Variants in ELAVL2 observed in about 807,000 individuals in gnomAD.
ELAVL2 encodes the protein ELAV-like protein 2.
Under a neutral mutation model 34.6 loss-of-function variants are expected in ELAVL2, and 4 were observed. The observed-to-expected ratio is 0.12, with a 90% CI of 0.06 to 0.26. The LOEUF is 0.26. ELAVL2 is among the 10% of genes least tolerant of loss of function. The pLI is 1.00. For synonymous variants in ELAVL2, 193 were observed against 154.8 expected (o/e 1.25, Z -1.83); for missense variants, 432 against 442.8 (o/e 0.98, Z 0.22).
intron 2 of ELAVL2, among the ~76,000 whole-genome samples, chr9:23,750,598 A>T (rs2051711201): frequency 6.6e-6 from 1 of 152,164 alleles, no homozygotes; most frequent in South Asian, 2.1e-4. Flanking sequence ...TCAGGTTCAC[A>T]AAAGAAAAAA....
intron 1 of ELAVL2, among the ~76,000 whole-genome samples, chr9:23,785,599 A>G (rs1311263763): frequency 1.3e-5 from 2 of 152,212 alleles, no homozygotes; most frequent in African/African-American, 2.4e-5. Flanking sequence ...TGAAGCCACT[A>G]TAGCTCAATC....
intron 1 of ELAVL2, among the ~76,000 whole-genome samples, chr9:23,786,704 C>T (rs888675504): frequency 1.5e-5 from 2 of 135,146 alleles, no homozygotes; most frequent in Admixed American, 8.1e-5. Flanking sequence ...CCTGTTAAGA[C>T]AGAAAACGAA....
chr9:23,826,497 T>G (rs996179337), upstream of ELAVL2, among the ~76,000 whole-genome samples: 2 of 152,140 alleles, frequency 1.3e-5, no homozygotes, highest in African/African-American at 2.4e-5. Context: ...TCTCGAGAGC[T>G]CAATGGAGTC....
chr9:23,697,547 T>C (rs553148401), intron 5 of ELAVL2, among the ~76,000 whole-genome samples: 12 of 152,312 alleles, frequency 7.9e-5, no homozygotes, highest in African/African-American at 2.9e-4. Context: ...CCCATGTACA[T>C]ATGTAATTTA....
chr9:23,718,229 G>T (rs759057889), intron 3 of ELAVL2, among the ~76,000 whole-genome samples: 2 of 152,084 alleles, frequency 1.3e-5, no homozygotes, highest in Non-Finnish European at 2.9e-5. Context: ...TCCTCTTAAA[G>T]GATGTTTTAT....
At chr9:23,797,942 A>G (rs1014695516) in intron 1 of ELAVL2, among the ~76,000 whole-genome samples, 3 of 151,230 alleles carry the variant, frequency 2.0e-5, no homozygotes, top group African/African-American at 7.4e-5. Context: ...AGAAAAAAAA[A>G]GAAAAGAAAA....
intron 1 of ELAVL2, among the ~76,000 whole-genome samples, chr9:23,798,676 G>A (rs986180935): frequency 2.6e-5 from 4 of 152,154 alleles, no homozygotes; most frequent in African/African-American, 9.7e-5. Context: ...TGGGAAGGGA[G>A]ACGAGGGAGG....
At chr9:23,813,911 A>C (rs2063361168) in intron 1 of ELAVL2, among the ~76,000 whole-genome samples, 1 of 152,200 alleles carries the variant, frequency 6.6e-6, no homozygotes, top group Non-Finnish European at 1.5e-5. Flanking sequence ...TGGCTTTAGG[A>C]AGTATAGCAT....
intron 4 of ELAVL2, among the ~76,000 whole-genome samples, chr9:23,703,826 TGGCTGCTTCAG>T (rs910985571): frequency 6.6e-6 from 1 of 152,238 alleles, no homozygotes; most frequent in Non-Finnish European, 1.5e-5. Context: ...AATCTTCATG[TGGCTGCTTCAG>T]TCTATGGTAC....
intron 1 of ELAVL2, among the ~76,000 whole-genome samples, chr9:23,790,309 G>C (rs1183109245): frequency 6.6e-6 from 1 of 152,180 alleles, no homozygotes; most frequent in Non-Finnish European, 1.5e-5. Flanking sequence ...GATGAAAGGA[G>C]AGTAGATATT....
intron 3 of ELAVL2, among the ~76,000 whole-genome samples, chr9:23,728,532 G>GATCT (rs542686862): frequency 1.2e-3 from 183 of 152,198 alleles, no homozygotes; most frequent in African/African-American, 4.3e-3. Context: ...AAACACCATA[G>GATCT]AGTTTTGAGT....
At chr9:23,817,057 A>C (rs1053661365) in intron 1 of ELAVL2, among the ~76,000 whole-genome samples, 1 of 151,884 alleles carries the variant, frequency 6.6e-6, no homozygotes, top group African/African-American at 2.4e-5. Context: ...AAAAAAAAAA[A>C]CCTATCATTT....
At chr9:23,806,192 T>C (rs940036213) in intron 1 of ELAVL2, among the ~76,000 whole-genome samples, 1 of 152,180 alleles carries the variant, frequency 6.6e-6, no homozygotes, top group African/African-American at 2.4e-5. Context: ...TTAACTCCAA[T>C]TGGTTAAATA....
intron 2 of ELAVL2, among the ~76,000 whole-genome samples, chr9:23,738,521 C>T (rs1381408304): frequency 6.6e-6 from 1 of 152,032 alleles, no homozygotes; most frequent in Non-Finnish European, 1.5e-5. Flanking sequence ...TACCAGCTTC[C>T]CAAAGGACAT....
upstream of ELAVL2, chr9:23,829,567 G>T (rs901396868): frequency 3.9e-5 from 6 of 152,138 alleles, no homozygotes; most frequent in East Asian, 9.6e-4. Context: ...TGGAGTAGGG[G>T]GTTATGGTTC....
intron 3 of ELAVL2, among the ~76,000 whole-genome samples, chr9:23,705,419 G>C (rs986355142): frequency 6.6e-6 from 1 of 152,170 alleles, no homozygotes; most frequent in Non-Finnish European, 1.5e-5. Flanking sequence ...TTCAACAACT[G>C]CCTGCTCATT....
chr9:23,831,633 C>G, the ELAVL2 span: 1 of 152,202 alleles, frequency 6.6e-6, no homozygotes, highest in Non-Finnish European at 1.5e-5. Context: ...CTTGATAAGG[C>G]CAACCCAATG....
chr9:23,806,793 A>G (rs1037671585), intron 1 of ELAVL2, among the ~76,000 whole-genome samples: 13 of 152,152 alleles, frequency 8.5e-5, no homozygotes, highest in African/African-American at 2.9e-4. Context: ...CACCAAAGGC[A>G]ATGGGAAGTT....
At chr9:23,699,542 C>T (rs2036417933) in intron 5 of ELAVL2, among the ~76,000 whole-genome samples, 1 of 152,110 alleles carries the variant, frequency 6.6e-6, no homozygotes, top group South Asian at 2.1e-4. Flanking sequence ...TTTTCAAGGC[C>T]CCAAAGAGCT....
Sources: allele counts gnomAD v4.1 joint callset (sites outside exome capture counted in the v4.1 genomes callset), GRCh38; gene constraint gnomAD v4.1.1; transcripts MANE v1.5; gene names NCBI Gene and HGNC (gene_info 2026-07-23, HGNC 2026-07-21).